The following CDH12 variants were observed in gnomAD, a reference collection of about 807,000 sequenced individuals.
CDH12 encodes the protein cadherin-12.
CDH12 carries 41 observed loss-of-function variants against 74.1 expected under a neutral mutation model. The ratio of observed to expected loss-of-function variants is 0.55; its 90% CI spans 0.43 to 0.72. The LOEUF (loss-of-function observed/expected upper bound fraction) is 0.72, where lower values mean the gene tolerates loss of function less well. Ranked by LOEUF, CDH12 falls within the 30% of genes least tolerant of loss-of-function variation. The pLI is 0.00. For missense variants in CDH12, 945 were observed against 977.2 expected, an observed-to-expected ratio of 0.97 and a Z score of 0.44; for synonymous variants, 399 against 355.0, an observed-to-expected ratio of 1.12 and a Z score of -1.39.
chr5:22,186,288 T>C (rs1580373676), intron 4 of CDH12, among the ~76,000 whole-genome samples: 1 of 152,304 alleles, frequency 6.6e-6, no homozygotes, highest in East Asian at 1.9e-4. Flanking sequence ...AGAAATGTAA[T>C]AATACCAAGT....
chr5:22,658,713 C>G (rs1473790053), intron 1 of CDH12, among the ~76,000 whole-genome samples: 1 of 152,104 alleles, frequency 6.6e-6, no homozygotes, highest in Admixed American at 6.6e-5. Context: ...TCGAGTGACT[C>G]TTTATCGCCC....
chr5:22,785,185 G>A (rs1226397529), intron 1 of CDH12, among the ~76,000 whole-genome samples: 12 of 152,112 alleles, frequency 7.9e-5, no homozygotes, highest in Non-Finnish European at 1.5e-5. Context: ...CTGTGATCAA[G>A]TAACCTTTTT....
At chr5:22,655,767 A>G (rs1332301763) in intron 1 of CDH12, among the ~76,000 whole-genome samples, 2 of 152,152 alleles carry the variant, frequency 1.3e-5, no homozygotes, top group African/African-American at 4.8e-5. Context: ...TCTCACCACA[A>G]TTCCCTTCCT....
intron 1 of CDH12, among the ~76,000 whole-genome samples, chr5:22,523,985 T>TATTATTA (rs202069700): frequency 6.8e-6 from 1 of 148,118 alleles, no homozygotes; most frequent in African/African-American, 2.5e-5. Flanking sequence ...ATTATTATTT[T>TATTATTA]TTTTTTTTTT....
intron 1 of CDH12, among the ~76,000 whole-genome samples, chr5:22,674,340 C>G (rs894162139): frequency 2.0e-5 from 3 of 152,132 alleles, no homozygotes; most frequent in Admixed American, 2.0e-4. Context: ...TTTCCCTTCA[C>G]AAGCTCTCTT....
At chr5:22,589,368 A>G (rs1740566767) in intron 1 of CDH12, among the ~76,000 whole-genome samples, 1 of 152,172 alleles carries the variant, frequency 6.6e-6, no homozygotes, top group African/African-American at 2.4e-5. Context: ...TCTTCAAACA[A>G]GGGAGCATAA....
At chr5:22,632,237 C>A (rs148779461) in intron 1 of CDH12, among the ~76,000 whole-genome samples, 49 of 152,166 alleles carry the variant, frequency 3.2e-4, no homozygotes, top group African/African-American at 1.1e-3. Flanking sequence ...AAGCAGATGC[C>A]AGAATCATGC....
chr5:22,455,591 G>A (rs2126572028), intron 2 of CDH12, among the ~76,000 whole-genome samples: 1 of 152,240 alleles, frequency 6.6e-6, no homozygotes, highest in Non-Finnish European at 1.5e-5. Flanking sequence ...GTCAATTACA[G>A]AAATCCATAA....
chr5:21,911,789 A>G (rs10491484), intron 6 of CDH12, among the ~76,000 whole-genome samples: 23,863 of 152,132 alleles, frequency 0.16, 2,157 homozygotes, highest in African/African-American at 0.24. Context: ...TTAATTCATC[A>G]AAAGTTAATT....
At chr5:22,077,518 G>A (rs931431027) in intron 5 of CDH12, among the ~76,000 whole-genome samples, 1 of 151,792 alleles carries the variant, frequency 6.6e-6, no homozygotes, top group African/African-American at 2.4e-5. Flanking sequence ...TATGACTTTG[G>A]ATTTATTTTA....
intron 2 of CDH12, among the ~76,000 whole-genome samples, chr5:22,433,771 C>T (rs1744267588): frequency 6.6e-6 from 1 of 152,182 alleles, no homozygotes; most frequent in Admixed American, 6.6e-5. Flanking sequence ...GGCAAGCTGG[C>T]TGCAGTGTGA....
intron 2 of CDH12, among the ~76,000 whole-genome samples, chr5:22,497,735 G>A (rs957745460): frequency 7.9e-6 from 1 of 126,838 alleles, no homozygotes; most frequent in Non-Finnish European, 1.6e-5. Context: ...CTCAGCCTCC[G>A]AGGTTCAAGC....
chr5:22,377,304 T>C (rs1378695775), intron 3 of CDH12, among the ~76,000 whole-genome samples: 1 of 152,210 alleles, frequency 6.6e-6, no homozygotes, highest in Non-Finnish European at 1.5e-5. Context: ...GAAAATAGAA[T>C]AGCCATTGAC....
intron 1 of CDH12, among the ~76,000 whole-genome samples, chr5:22,595,061 A>C (rs1015499317): frequency 2.6e-5 from 4 of 152,186 alleles, no homozygotes; most frequent in African/African-American, 9.7e-5. Context: ...TCAAACTCTC[A>C]AACAAATGTG....
intron 4 of CDH12, among the ~76,000 whole-genome samples, chr5:22,157,939 A>T (rs1272199629): frequency 6.6e-6 from 1 of 152,030 alleles, no homozygotes. Context: ...AAAGATTATA[A>T]TGAGATTCAA....
At chr5:22,681,228 G>GTGT (rs869281805) in intron 1 of CDH12, among the ~76,000 whole-genome samples, 2,175 of 105,766 alleles carry the variant, frequency 0.021, 42 homozygotes, top group Admixed American at 0.066. Context: ...GGTATTGGGG[G>GTGT]GTGTGTGTGT....
chr5:22,767,596 G>A (rs10461807), intron 1 of CDH12, among the ~76,000 whole-genome samples: 72,301 of 151,442 alleles, frequency 0.48, 17,376 homozygotes, highest in East Asian at 0.55. Context: ...CAGGGCTTAT[G>A]GTAGCTTTGG....
chr5:22,813,555 G>T lies in CDH12; in HGVS notation c.-523+39503C>A, dbSNP rs1306672701. 3.3e-5 allele frequency among the ~76,000 whole-genome samples: 5 copies of T among 152,072 alleles called. No individual in the cohort carries two copies. In the East Asian group the frequency reaches 5.8e-4, roughly 18 times the overall value. On this transcript the variant is annotated intron_variant, in intron 1 of 14. Coordinates refer to ENST00000382254, the MANE Select transcript of CDH12 (RefSeq NM_004061.5). ...AGGGCAGAGTAAGGATTTTGCTTTA[G>T]ATATAGTACAGCGAAGGTGATGGGA...
chr5:22,147,606 A>C (rs867775261), intron 4 of CDH12, among the ~76,000 whole-genome samples: 1 of 145,262 alleles, frequency 6.9e-6, no homozygotes, highest in Admixed American at 6.8e-5. Context: ...AAAAAAAAAG[A>C]GGTTTAATGG....
Sources: allele counts gnomAD v4.1 joint callset (sites outside exome capture counted in the v4.1 genomes callset), GRCh38; gene constraint gnomAD v4.1.1; transcripts MANE v1.5; gene names NCBI Gene and HGNC (gene_info 2026-07-23, HGNC 2026-07-21).